Variants in CALD1 observed in about 807,000 individuals in gnomAD.
CALD1 encodes caldesmon.
A neutral mutation model predicts 99.9 loss-of-function variants in CALD1; 33 were observed. The ratio of observed to expected loss-of-function variants is 0.33; its 90% confidence interval spans 0.25 to 0.44. The LOEUF (loss-of-function observed/expected upper bound fraction) is 0.44. Among genes scored for constraint, CALD1 ranks in the 20% least tolerant of loss-of-function variants. The pLI, the probability that CALD1 is intolerant of heterozygous loss-of-function variation, is 1.00. For synonymous variants in CALD1, 310 were observed against 325.0 expected (o/e 0.95, Z 0.50); for missense variants, 861 against 962.1 (o/e 0.89, Z 1.39).
chr7:134,746,458 C>CA (rs1335065446), intron 1 of CALD1, among the ~76,000 whole-genome samples: 6 of 152,088 alleles, frequency 3.9e-5, no homozygotes, highest in Non-Finnish European at 7.4e-5. Context: ...CGGTTTAAGA[C>CA]AAAAAATTAG....
chr7:134,921,495 C>T (rs1301388315), intron 3 of CALD1, among the ~76,000 whole-genome samples: 1 of 152,106 alleles, frequency 6.6e-6, no homozygotes, highest in Non-Finnish European at 1.5e-5. Flanking sequence ...TTTGAAATGA[C>T]AAAGCATGGG....
At chr7:134,836,184 T>C (rs1586067685) in intron 1 of CALD1, among the ~76,000 whole-genome samples, 1 of 147,388 alleles carries the variant, frequency 6.8e-6, no homozygotes, top group African/African-American at 2.5e-5. Context: ...GATATGACTC[T>C]TACCCTTGCT....
At chr7:134,875,362 G>A (rs1021961456) in intron 3 of CALD1, among the ~76,000 whole-genome samples, 5 of 152,186 alleles carry the variant, frequency 3.3e-5, no homozygotes, top group African/African-American at 4.8e-5. Flanking sequence ...GTCACTGGGC[G>A]CGGTGGCTCA....
chr7:134,873,212 A>C lies in CALD1; in HGVS notation c.71+5408A>C, dbSNP rs1278857995. ...CAAACAAACAAACAAAACAAAAAAA[A>C]CCCAAAAAACAAAAAAAAACACTAT... On this transcript the variant is annotated intron_variant, in intron 3 of 14. Transcript: ENST00000361675. Among the ~76,000 whole-genome samples the C allele has an allele frequency of 2.9e-5, 4 of 138,384 alleles. No homozygotes were observed. The South Asian group carries it at 9.1e-4, about 32-fold the overall frequency. 90.8% of individuals were successfully genotyped at this position (138,384 alleles called of 152,430 possible). A position where few individuals can be genotyped will look rare whatever the true frequency, so the allele number is the denominator to read the frequency against.
At chr7:134,873,542 T>C (rs529843037) in intron 3 of CALD1, among the ~76,000 whole-genome samples, 1 of 152,316 alleles carries the variant, frequency 6.6e-6, no homozygotes, top group South Asian at 2.1e-4. Flanking sequence ...GTGTGTCTAG[T>C]AAAGACGGAC....
chr7:134,941,125 C>T lies in CALD1; in HGVS notation c.1420C>T (p.Pro474Ser). The T allele has an allele frequency of 6.2e-7, 1 of 1,611,388 alleles. No homozygotes were observed. The highest frequency in any genetic ancestry group is 8.5e-7 in the Non-Finnish European group (1 of 1,178,918). The change falls in exon 7 of 15, where the codon CCC (proline) becomes TCC (serine). Residue 474 changes from proline (P) to serine (S), a missense_variant. Coordinates refer to ENST00000361675, the MANE Select transcript of CALD1 (RefSeq NM_033138.4). ...KDEKIKKDKE[P>S]KEEVKSFMDR... is the part of the protein sequence containing the mutation. Reference sequence around the variant, plus strand: ...TGAAAAGATTAAAAAGGACAAAGAACCCAAAGAAGAAGTTAAGAGCTTCAT... The same window carrying T: ...TGAAAAGATTAAAAAGGACAAAGAATCCAAAGAAGAAGTTAAGAGCTTCAT...
chr7:134,746,543 A>G (rs971585894), intron 1 of CALD1, among the ~76,000 whole-genome samples: 3 of 152,196 alleles, frequency 2.0e-5, no homozygotes, highest in African/African-American at 7.2e-5. Context: ...TAATGAGTAG[A>G]GGCTGGAAGA....
chr7:134,782,402 C>G (rs762844383), intron 1 of CALD1, among the ~76,000 whole-genome samples: 42 of 152,328 alleles, frequency 2.8e-4, no homozygotes, highest in Admixed American at 7.8e-4. Flanking sequence ...CCATTAGCTC[C>G]TTACTGAAAG....
At chr7:134,764,549 A>G (rs907452792) in intron 1 of CALD1, among the ~76,000 whole-genome samples, 5 of 152,242 alleles carry the variant, frequency 3.3e-5, no homozygotes, top group African/African-American at 1.2e-4. Context: ...TTAATTAGTT[A>G]TTCATTAGCT....
At chr7:134,849,589 G>GT (rs1799993401) in intron 2 of CALD1, among the ~76,000 whole-genome samples, 1 of 151,694 alleles carries the variant, frequency 6.6e-6, no homozygotes, top group Admixed American at 6.6e-5. Flanking sequence ...TTGTTGTATG[G>GT]TTTTTTTAAT....
chr7:134,783,601 G>A lies in CALD1; in HGVS notation c.-130+3852G>A, dbSNP rs1797194125. ...ACCTGGGCTGTGAGGGAGGGGTGAT[G>A]AGGTTGTTCCCTGTGTTGTTCTTCC... On this transcript the variant is annotated intron_variant, in intron 1 of 14. Transcript: ENST00000361675. The surrounding 1 kb of genome is among the most constrained non-coding windows in gnomAD (Gnocchi z 4.3). Among the ~76,000 whole-genome samples, 1 of 152,164 alleles carries A rather than the reference G, an allele frequency of 6.6e-6. No homozygotes were observed. Among genetic ancestry groups the A allele is most frequent in the Admixed American group, 6.5e-5 (1 of 15,272 alleles).
chr7:134,921,820 A>T lies in CALD1; in HGVS notation c.72-6934A>T, dbSNP rs535039035. Among the ~76,000 whole-genome samples, 3 of 152,170 alleles carry T rather than the reference A, an allele frequency of 2.0e-5. No homozygotes were observed. In the South Asian group the frequency reaches 6.2e-4, roughly 32 times the overall value. On this transcript the variant is annotated intron_variant, in intron 3 of 14. Transcript: ENST00000361675. Reference sequence around the variant, plus strand: ...TCAAAAAACAAAACAAAACAAAACAAAACAAAACTGATCTTTTAAATTTTA... The same window carrying T: ...TCAAAAAACAAAACAAAACAAAACATAACAAAACTGATCTTTTAAATTTTA...
chr7:134,813,009 G>C (rs1307244218), intron 1 of CALD1, among the ~76,000 whole-genome samples: 1 of 152,244 alleles, frequency 6.6e-6, no homozygotes, highest in African/African-American at 2.4e-5. Context: ...CCAGGAGGGT[G>C]AGATGTGCTA....
At chr7:134,944,215 A>G (rs1806677225) in intron 7 of CALD1, among the ~76,000 whole-genome samples, 1 of 152,180 alleles carries the variant, frequency 6.6e-6, no homozygotes, top group South Asian at 2.1e-4. Context: ...TCAAAATAAA[A>G]GTTTACCTGT....
intron 4 of CALD1, among the ~76,000 whole-genome samples, chr7:134,931,830 G>T (rs1377929735): frequency 6.6e-6 from 1 of 152,164 alleles, no homozygotes; most frequent in Non-Finnish European, 1.5e-5. Flanking sequence ...AGAAAAGATG[G>T]ACAAGAAACC....
Position 134,862,522 on chromosome 7 carries a change from C to A in CALD1, c.-41-5171C>A, listed in dbSNP as rs1022840356. 2.6e-5 allele frequency among the ~76,000 whole-genome samples: 4 copies of A among 152,092 alleles called. No homozygotes were observed. In the East Asian group the frequency reaches 7.7e-4, roughly 29 times the overall value. On this transcript the variant is annotated intron_variant, in intron 2 of 14. Coordinates refer to ENST00000361675, the MANE Select transcript of CALD1 (RefSeq NM_033138.4). ...ATATGATATTCTGGAAAACTCAAAG[C>A]TGTAGAGACATAAAAACATCAGTGA...
intron 6 of CALD1, among the ~76,000 whole-genome samples, chr7:134,938,856 T>C (rs539523156): frequency 3.9e-5 from 6 of 152,292 alleles, no homozygotes; most frequent in African/African-American, 1.4e-4. Flanking sequence ...ACATGTATCA[T>C]CTTACAAATC....
chr7:134,905,426 G>A (rs752573528), intron 3 of CALD1, among the ~76,000 whole-genome samples: 39 of 152,046 alleles, frequency 2.6e-4, no homozygotes, highest in East Asian at 1.9e-4. Context: ...AGGCCAGAGG[G>A]GTTCACTCAC....
At chr7:134,766,480 G>T (rs1228041961) in intron 1 of CALD1, among the ~76,000 whole-genome samples, 5 of 152,102 alleles carry the variant, frequency 3.3e-5, no homozygotes, top group African/African-American at 7.2e-5. Flanking sequence ...AGTCTCAGGT[G>T]TTTTTAGCAA....
Sources: allele counts gnomAD v4.1 joint callset (sites outside exome capture counted in the v4.1 genomes callset), GRCh38; gene constraint gnomAD v4.1.1; non-coding constraint Gnocchi (gnomAD v3.1); transcripts MANE v1.5; gene names NCBI Gene and HGNC (gene_info 2026-07-23, HGNC 2026-07-21).